ASIC4: variants seen among roughly 807,000 people sequenced by gnomAD.
The protein encoded by ASIC4 is acid sensing ion channel subunit family member 4, also known as acid-sensing ion channel 4.
A neutral mutation model predicts 53.4 loss-of-function variants in ASIC4; 28 were observed. The ratio of observed to expected loss-of-function variants is 0.52; its 90% CI spans 0.39 to 0.72. The LOEUF (loss-of-function observed/expected upper bound fraction) is 0.72. Among genes scored for constraint, ASIC4 ranks in the 30% least tolerant of loss-of-function variants. ASIC4 has a pLI of 0.00. For synonymous variants in ASIC4, 289 were observed against 301.4 expected (o/e 0.96, Z 0.43); for missense variants, 649 against 729.7 (o/e 0.89, Z 1.27).
chr2:219,514,568 C>T lies in ASIC4; in HGVS notation c.-157C>T, dbSNP rs999340281. 1 of 1,573,294 alleles carries T rather than the reference C, an allele frequency of 6.4e-7. No homozygotes were observed. The highest frequency in any genetic ancestry group is 2.4e-5 in the East Asian group (1 of 42,276). ...CTGCTGGGAGTGGGAGTGACTCCCC[C>T]ACCTCGGGCCCCCACCCTGTCCCTG... is the stretch of plus-strand genomic sequence containing the variant. On this transcript the variant is annotated 5_prime_UTR_variant, in exon 1 of 10. Transcript: ENST00000358078.
chr2:219,511,297 G>A (rs1419921267), upstream of ASIC4, among the ~76,000 whole-genome samples: 1 of 152,008 alleles, frequency 6.6e-6, no homozygotes, highest in Non-Finnish European at 1.5e-5. The surrounding 1 kb of genome is among the most constrained non-coding windows in gnomAD (Gnocchi z 5.3). Flanking sequence ...TGCCTTTGGG[G>A]CACTTTGCCC....
At chr2:219,514,354 G>T, upstream of ASIC4, 1 of 1,546,956 alleles carries the variant, frequency 6.5e-7, no homozygotes, top group South Asian at 1.2e-5. Context: ...ATGCTGAGCG[G>T]AGCGGCTGGG....
At chr2:219,523,598 A>G (rs74565446) in intron 1 of ASIC4, among the ~76,000 whole-genome samples, 1,658 of 152,184 alleles carry the variant, frequency 0.011, 32 homozygotes, top group East Asian at 0.058. Context: ...TGAGTGTGGC[A>G]TTGTCTGATG....
At chr2:219,511,991 G>C (rs1694707688), upstream of ASIC4, among the ~76,000 whole-genome samples, 1 of 152,016 alleles carries the variant, frequency 6.6e-6, no homozygotes, top group Non-Finnish European at 1.5e-5. The surrounding 1 kb of genome is among the most constrained non-coding windows in gnomAD (Gnocchi z 5.3). Context: ...CGGAGGGAAA[G>C]GTCAAGAGAT....
At position 219,516,091 on chromosome 2, in the gene ASIC4, G is replaced by A. The variant is rs116944446; in HGVS notation, c.582+785G>A. 5.6e-3 allele frequency among the ~76,000 whole-genome samples: 849 copies of A among 152,114 alleles called. 8 individuals carry two copies. The highest frequency in any genetic ancestry group is 0.019 in the African/African-American group (775 of 41,464). On this transcript the variant is annotated intron_variant, in intron 1 of 9. Coordinates refer to ENST00000358078, the MANE Select transcript of ASIC4 (RefSeq NM_018674.6). This position sits in a 1 kb window ranked among gnomAD's most constrained non-coding sequence, Gnocchi z 4.9. Reference sequence around the variant, plus strand: ...CACATGCACACGCACACACGCACACGCACTGCTGGGGGACACAGTTTCCTG... The same window carrying A: ...CACATGCACACGCACACACGCACACACACTGCTGGGGGACACAGTTTCCTG...
rs1695147482 is a variant in ASIC4 at position 219,536,931 on chromosome 2, T to G, written c.1230-135T>G. The G allele has an allele frequency of 4.1e-6, 3 of 725,296 alleles. No individual in the cohort carries two copies. The South Asian group carries it at 5.2e-5, about 13-fold the overall frequency. The allele number at this position is 725,296 out of a possible 1,614,324, so 44.9% of individuals were successfully genotyped here. A position where few individuals can be genotyped will look rare whatever the true frequency, so the allele number is the denominator to read the frequency against. ...TCCGGGACTGCCTCCCCTCACAGCCTTGGGGAGTCCGGGGGGTAGTCACTG... is the reference window on the plus strand; with the variant it reads ...TCCGGGACTGCCTCCCCTCACAGCCGTGGGGAGTCCGGGGGGTAGTCACTG... On this transcript the variant is annotated intron_variant, in intron 6 of 9. Coordinates refer to ENST00000358078, the MANE Select transcript of ASIC4 (RefSeq NM_018674.6). This position sits in a 1 kb window ranked among gnomAD's most constrained non-coding sequence, Gnocchi z 4.6.
rs757090803 is a variant in ASIC4 at position 219,532,348 on chromosome 2, C to G, written c.889C>G (p.Arg297Gly). The G allele has an allele frequency of 1.2e-6, 2 of 1,613,588 alleles. No homozygotes were observed. Among genetic ancestry groups the G allele is most frequent in the Non-Finnish European group, 1.7e-6 (2 of 1,179,566 alleles). ...CCTGCCCCAGCCCTGGGGCAACTGC[C>G]GCGCAGAGAGTGAGCTCAGGGAGCC... ...TYLPQPWGNC[R>G]AESELREPEL... The change falls in exon 4 of 10, where the codon CGC becomes GGC. Residue 297 changes from arginine (R) to glycine (G), a missense_variant. Transcript: ENST00000358078.
intron 1 of ASIC4, among the ~76,000 whole-genome samples, chr2:219,527,109 T>C (rs751028835): frequency 6.6e-5 from 10 of 152,224 alleles, no homozygotes; most frequent in Middle Eastern, 3.2e-3. Flanking sequence ...TGGGACCTTG[T>C]GGCAGAGCTG....
At position 219,532,299 on chromosome 2, in the gene ASIC4, T is replaced by C; in HGVS notation, c.856-16T>C. ...GGGATTCCTGAGCATGACCTCATCA[T>C]GCCCCACCTCTGCAGCTGACCTACC... On this transcript the variant is annotated splice_polypyrimidine_tract_variant and intron_variant, in intron 3 of 9. Transcript: ENST00000358078. 2 of 1,605,676 alleles carry C rather than the reference T, an allele frequency of 1.2e-6. No individual in the cohort carries two copies. The highest frequency in any genetic ancestry group is 1.7e-6 in the Non-Finnish European group (2 of 1,173,168).
upstream of ASIC4, chr2:219,514,418 A>G (rs1442343007): frequency 6.5e-7 from 1 of 1,548,662 alleles, no homozygotes. Flanking sequence ...GCTCGCTCGC[A>G]GGGACACACG....
intron 1 of ASIC4, among the ~76,000 whole-genome samples, chr2:219,519,061 C>T (rs905812120): frequency 5.3e-5 from 8 of 152,300 alleles, no homozygotes; most frequent in African/African-American, 1.7e-4. Context: ...CCCGCCACCT[C>T]GCCCGGCTAA....
At chr2:219,530,047 CT>C (rs1017913986) in intron 1 of ASIC4, among the ~76,000 whole-genome samples, 2 of 152,186 alleles carry the variant, frequency 1.3e-5, no homozygotes, top group Admixed American at 6.5e-5. Context: ...TTCAGGATCT[CT>C]TTTTCCTTCC....
upstream of ASIC4, chr2:219,514,273 A>G: frequency 6.8e-7 from 1 of 1,463,168 alleles, no homozygotes; most frequent in Middle Eastern, 2.5e-4. Flanking sequence ...CTGGCTCCTG[A>G]CGCCCGTGCT....
chr2:219,513,023 G>A (rs79748033), upstream of ASIC4, among the ~76,000 whole-genome samples: 5,063 of 152,302 alleles, frequency 0.033, 129 homozygotes, highest in Admixed American at 0.061. Context: ...CAGAGGCTGC[G>A]GGGCCAGGCC....
At chr2:219,527,863 C>T (rs915470661) in intron 1 of ASIC4, among the ~76,000 whole-genome samples, 3 of 152,240 alleles carry the variant, frequency 2.0e-5, no homozygotes, top group African/African-American at 4.8e-5. Flanking sequence ...CTGCAAATCT[C>T]GCTGGGCTCT....
upstream of ASIC4, among the ~76,000 whole-genome samples, chr2:219,510,514 C>A (rs574136602): frequency 1.3e-5 from 2 of 152,274 alleles, no homozygotes; most frequent in African/African-American, 2.4e-5. The surrounding 1 kb of genome is among the most constrained non-coding windows in gnomAD (Gnocchi z 5.2). Flanking sequence ...CCCCCGCAGG[C>A]CCCACAGACT....
At chr2:219,521,783 T>G (rs1003378799) in intron 1 of ASIC4, among the ~76,000 whole-genome samples, 3 of 152,154 alleles carry the variant, frequency 2.0e-5, no homozygotes, top group Non-Finnish European at 4.4e-5. Context: ...AGGCTGGCCC[T>G]GCAGCCCACC....
chr2:219,532,734 G>A (rs1484163727), intron 4 of ASIC4, 149 bp from the exon 5 acceptor site: 30 of 878,618 alleles, frequency 3.4e-5, no homozygotes, highest in African/African-American at 8.4e-5. Context: ...CCGTGGTTGC[G>A]TATTTGTGGG....
chr2:219,510,356 G>A (rs558145626), upstream of ASIC4, among the ~76,000 whole-genome samples: 155 of 151,576 alleles, frequency 1.0e-3, 1 homozygote, highest in African/African-American at 3.6e-3. The surrounding 1 kb of genome is among the most constrained non-coding windows in gnomAD (Gnocchi z 5.2). Context: ...ACCCCCTCCC[G>A]GCCAGCCTGT....
Sources: gnomAD v4.1 joint callset for allele counts (sites outside exome capture counted in the v4.1 genomes callset) on GRCh38, gnomAD v4.1.1 for gene constraint, Gnocchi (gnomAD v3.1) non-coding constraint, MANE v1.5 for transcripts, NCBI Gene and HGNC (gene_info 2026-07-23, HGNC 2026-07-21) for gene names.